Variants in NPAT observed in about 807,000 individuals in gnomAD.
NPAT encodes nuclear protein, coactivator of histone transcription.
Under a neutral mutation model 130.7 loss-of-function variants are expected in NPAT, and 52 were observed. That is an observed-to-expected ratio of 0.40 (90% CI 0.32 to 0.50). The LOEUF (loss-of-function observed/expected upper bound fraction) is 0.50. Ranked by LOEUF, NPAT falls within the 20% of genes least tolerant of loss-of-function variation. NPAT has a pLI of 0.68. For synonymous variants in NPAT, 580 were observed against 584.8 expected, an observed-to-expected ratio of 0.99 and a Z score of 0.12; for missense variants, 1,687 against 1,662.6, an observed-to-expected ratio of 1.01 and a Z score of -0.26.
intron 1 of NPAT, among the ~76,000 whole-genome samples, chr11:108,209,085 G>T (rs1161820668): frequency 1.3e-5 from 2 of 151,472 alleles, no homozygotes; most frequent in Non-Finnish European, 2.9e-5. Flanking sequence ...TTTGAGGCCA[G>T]CCTGGCCAAC....
chr11:108,193,936 ACTC>A lies in NPAT; in HGVS notation c.217+18_217+20del. 1 of 1,467,660 alleles carries A rather than the reference ACTC, an allele frequency of 6.8e-7. No individual in the cohort carries two copies. Among genetic ancestry groups the A allele is most frequent in the Non-Finnish European group, 9.5e-7 (1 of 1,048,132 alleles). The allele number at this position is 1,467,660 out of a possible 1,614,324, so 90.9% of individuals were successfully genotyped here. ...AAATATTGTATACATCAGCAAAAAA[ACTC>A]CAAATCAGAACTCTTACCTTTTGTT... On this transcript the variant is annotated intron_variant, in intron 3 of 17. Transcript: ENST00000278612.
Position 108,161,331 on chromosome 11 carries a change from C to T in NPAT, c.3755G>A (p.Arg1252Lys), listed in dbSNP as rs908800829. ...ITTEMLQDIQ[R>K]HSSVSRLADS... ...AGCAAGCCTACTTACTGAGCTGTGC[C>T]TCTGTATATCCTGTAACATTTCTGT... is the stretch of plus-strand genomic sequence containing the variant. Residue 1252 changes from arginine (R) to lysine (K), a missense_variant, in exon 17 of 18, where the codon AGG becomes AAG. Transcript: ENST00000278612. The T allele has an allele frequency of 3.7e-6, 6 of 1,614,168 alleles. No homozygotes were observed. The highest frequency in any genetic ancestry group is 5.1e-6 in the Non-Finnish European group (6 of 1,180,038).
intron 10 of NPAT, among the ~76,000 whole-genome samples, chr11:108,183,150 A>T (rs1030176029): frequency 1.3e-5 from 2 of 150,698 alleles, no homozygotes; most frequent in East Asian, 1.9e-4. Flanking sequence ...CTGGCTAATT[A>T]AAAAAAAAAT....
At chr11:108,219,542 C>G (rs2085496490) in intron 1 of NPAT, among the ~76,000 whole-genome samples, 1 of 152,200 alleles carries the variant, frequency 6.6e-6, no homozygotes, top group South Asian at 2.1e-4. Context: ...AAAACCTTCA[C>G]AGATGATAGT....
Position 108,161,248 on chromosome 11 carries a change from T to G in NPAT, c.3838A>C (p.Lys1280Gln). Reference sequence around the variant, plus strand: ...TTGATAATATCTATAGGTTCTTCTTTATGTTTTTCCCCTGCCCCTGAGCCA... The same window carrying G: ...TTGATAATATCTATAGGTTCTTCTTGATGTTTTTCCCCTGCCCCTGAGCCA... ...TPGSGAGEKH[K>Q]EEPIDIIKAP... is the part of the protein sequence containing the mutation. The change falls in exon 17 of 18, where the codon AAA becomes CAA. Residue 1280 changes from lysine to glutamine, a missense_variant. Lys to Gln is a moderately conservative substitution (Grantham distance 53). Coordinates refer to ENST00000278612, the MANE Select transcript of NPAT (RefSeq NM_002519.3). 3 of 1,614,184 alleles carry G rather than the reference T, an allele frequency of 1.9e-6. No homozygotes were observed. The highest frequency in any genetic ancestry group is 2.5e-6 in the Non-Finnish European group (3 of 1,180,040).
chr11:108,166,824 TA>T (rs2077906630), intron 15 of NPAT, among the ~76,000 whole-genome samples: 1 of 152,246 alleles, frequency 6.6e-6, no homozygotes, highest in African/African-American at 2.4e-5. Flanking sequence ...CTGGGATTTT[TA>T]AGGAAAATTA....
At chr11:108,211,281 C>G (rs900581297) in intron 1 of NPAT, among the ~76,000 whole-genome samples, 1 of 152,038 alleles carries the variant, frequency 6.6e-6, no homozygotes, top group Non-Finnish European at 1.5e-5. Context: ...GTGGCTCACG[C>G]CTGTAATCCC....
chr11:108,215,730 G>GA (rs1335604957), intron 1 of NPAT, among the ~76,000 whole-genome samples: 2 of 152,122 alleles, frequency 1.3e-5, no homozygotes, highest in African/African-American at 4.8e-5. Flanking sequence ...TGTGATTTGG[G>GA]AATCAACTCA....
At chr11:108,185,626 T>C (rs1565316933) in intron 8 of NPAT, 132 bp from the exon 9 acceptor site, 4 of 690,640 alleles carry the variant, frequency 5.8e-6, no homozygotes, top group Non-Finnish European at 1.0e-5. Flanking sequence ...GAAGTTGTGA[T>C]GGCTCCCTCC....
In NPAT at chr11:108,188,121, T is replaced by G. The variant is rs2078126483; in HGVS notation, c.615A>C (p.Leu205Phe). Residue 205 changes from leucine (L) to phenylalanine (F), a missense_variant, in exon 7 of 18, where the codon TTA becomes TTC. Coordinates refer to ENST00000278612, the MANE Select transcript of NPAT (RefSeq NM_002519.3). ...ACCTTTTGCGTCTACCGGGAGACAT[T>G]AAACTGGCATGTGCTTTCTTTTCCT... is the stretch of plus-strand genomic sequence containing the variant. ...GAQEKKAHAS[L>F]MSPGRRKSES... is the part of the protein sequence containing the mutation. The G allele has an allele frequency of 6.2e-7, 1 of 1,613,556 alleles. No homozygotes were observed. Among genetic ancestry groups the G allele is most frequent in the East Asian group, 2.2e-5 (1 of 44,796 alleles).
At chr11:108,207,235 T>A (rs376886177) in intron 1 of NPAT, among the ~76,000 whole-genome samples, 16 of 152,016 alleles carry the variant, frequency 1.1e-4, no homozygotes, top group African/African-American at 3.9e-4. Flanking sequence ...CAAATGGGAG[T>A]AAGTATGTGC....
rs772893034 is a variant in NPAT at position 108,172,625 on chromosome 11, C to T, written c.2359G>A (p.Val787Ile). The change falls in exon 13 of 18, where the codon GTT becomes ATT. Residue 787 changes from valine (V) to isoleucine (I), a missense_variant. Val to Ile is a conservative substitution (Grantham distance 29). This residue lies in a region of NPAT where 1,379 missense variants were observed against 1,346.6 expected (regional missense o/e 1.02). Transcript: ENST00000278612. The part of the protein sequence containing the change: ...TKSPTKNAEL[V>I]KCLSSEETVG... Reference sequence around the variant, plus strand: ...GTTTCTTCTGAAGATAGGCATTTAACTAGTTCTGCATTTTTAGTAGGTGAT... The same window carrying T: ...GTTTCTTCTGAAGATAGGCATTTAATTAGTTCTGCATTTTTAGTAGGTGAT... 6.2e-7 allele frequency: 1 copy of T among 1,614,168 alleles called. No individual in the cohort carries two copies. Among genetic ancestry groups the T allele is most frequent in the East Asian group, 2.2e-5 (1 of 44,880 alleles).
Position 108,161,031 on chromosome 11 carries a change from AGAG to A in NPAT, c.4052_4054del (p.Pro1351del). On this transcript the variant is annotated inframe_deletion, in exon 17 of 18. Transcript: ENST00000278612. Reference sequence around the variant, plus strand: ...TCTAAACTGTTGTGTGTTATCTTTCAGAGGAGTTGCTGAAGTAGTCCTAGAAAT... The same window carrying A: ...TCTAAACTGTTGTGTGTTATCTTTCAGAGTTGCTGAAGTAGTCCTAGAAAT... 1 of 1,614,078 alleles carries A rather than the reference AGAG, an allele frequency of 6.2e-7. No individual in the cohort carries two copies. Among genetic ancestry groups the A allele is most frequent in the East Asian group, 2.2e-5 (1 of 44,880 alleles).
At chr11:108,162,499 C>T (rs528295564) in intron 15 of NPAT, among the ~76,000 whole-genome samples, 4 of 152,034 alleles carry the variant, frequency 2.6e-5, no homozygotes, top group South Asian at 2.1e-4. Flanking sequence ...GGCATGATCT[C>T]GGCTCACTGC....
intron 1 of NPAT, 23 bp from the exon 2 acceptor site, chr11:108,197,443 G>C: frequency 7.0e-7 from 1 of 1,419,064 alleles, no homozygotes; most frequent in South Asian, 1.2e-5. Context: ...TAAAAGTTTA[G>C]GTACTTATAC....
At chr11:108,174,564 T>TA (rs561166671) in intron 12 of NPAT, among the ~76,000 whole-genome samples, 3,749 of 103,828 alleles carry the variant, frequency 0.036, 161 homozygotes, top group African/African-American at 0.097. Context: ...GAGAAGATCT[T>TA]AAAAAAAAAA....
rs1177415751 is a variant in NPAT, at chr11:108,169,968, A to G, written c.2861T>C (p.Val954Ala). ...GMVGMIPVSVVGQNGNNFSTP... is the reference protein window; with the variant it reads ...GMVGMIPVSVAGQNGNNFSTP... ...AGAAAAGTTATTTCCATTCTGTCCA[A>G]CCACAGATACTGGGATCATCCCTAC... is the stretch of plus-strand genomic sequence containing the variant. Residue 954 changes from valine (V) to alanine (A), a missense_variant, in exon 14 of 18, where the codon GTT becomes GCT. Physicochemically the swap from Val to Ala is moderately conservative, Grantham distance 64 (BLOSUM62 0). This residue lies in a region of NPAT where 1,379 missense variants were observed against 1,346.6 expected (regional missense o/e 1.02). Transcript: ENST00000278612. The G allele has an allele frequency of 1.9e-6, 3 of 1,613,884 alleles. No individual in the cohort carries two copies. Among genetic ancestry groups the G allele is most frequent in the African/African-American group, 1.3e-5 (1 of 74,932 alleles).
intron 1 of NPAT, among the ~76,000 whole-genome samples, chr11:108,212,842 A>G (rs2134898281): frequency 7.1e-6 from 1 of 140,902 alleles, no homozygotes; most frequent in East Asian, 2.3e-4. Context: ...GCTGCTAGGG[A>G]GGCTGAGGCA....
chr11:108,208,636 A>G (rs1326422405), intron 1 of NPAT: 1 of 320,420 alleles, frequency 3.1e-6, no homozygotes, highest in East Asian at 9.6e-5. Flanking sequence ...AAACATAAAT[A>G]CACCTAACTG....
Sources: allele counts gnomAD v4.1 joint callset (sites outside exome capture counted in the v4.1 genomes callset), GRCh38; gene constraint gnomAD v4.1.1; regional missense constraint gnomAD v4.1.1; transcripts MANE v1.5; gene names NCBI Gene and HGNC (gene_info 2026-07-23, HGNC 2026-07-21).